AGBL1: variants seen among roughly 807,000 people sequenced by gnomAD.
AGBL1 encodes the protein cytosolic carboxypeptidase 4.
Under a neutral mutation model 118.9 loss-of-function variants are expected in AGBL1, and 130 were observed. That is an observed-to-expected ratio of 1.09 (90% CI 0.95 to 1.26). The LOEUF is 1.26. Among genes scored for constraint, AGBL1 ranks in the 50% most tolerant of loss-of-function variants. The probability of loss-of-function intolerance (pLI) is 0.00; values close to 1 mark genes in which losing one functional copy is unlikely to be tolerated. For missense variants in AGBL1, 1,584 were observed against 1,298.1 expected (o/e 1.22, Z -3.38); for synonymous variants, 555 against 478.9 (o/e 1.16, Z -2.08).
chr15:86,081,930 C>T (rs571226852), intron 1 of AGBL1, among the ~76,000 whole-genome samples: 6 of 152,190 alleles, frequency 3.9e-5, no homozygotes, highest in Non-Finnish European at 5.9e-5. Flanking sequence ...ATGATCACCC[C>T]GGGGCACTGC....
intron 18 of AGBL1, among the ~76,000 whole-genome samples, chr15:86,451,356 C>T (rs1234665150): frequency 6.6e-6 from 1 of 152,154 alleles, no homozygotes; most frequent in African/African-American, 2.4e-5. Flanking sequence ...AGGATAGAGA[C>T]CTTGTTCTTT....
chr15:86,143,791 GACTATGACATCCTC>G lies in AGBL1; in HGVS notation c.209_222del (p.Asp70AlafsTer15), dbSNP rs1273566022. 6.2e-7 allele frequency: 1 copy of G among 1,613,774 alleles called. No individual in the cohort carries two copies. Among genetic ancestry groups the G allele is most frequent in the Non-Finnish European group, 8.5e-7 (1 of 1,179,826 alleles). On this transcript the variant is annotated frameshift_variant, in exon 3 of 23. Transcript: ENST00000614907. LOFTEE classifies it high-confidence loss of function. ...AGACACAGCGAGGACAGCTCCTCCA[GACTATGACATCCTC>G]CTGCCTCTCTTCCGGCTGCTGGCCA... is the stretch of plus-strand genomic sequence containing the variant.
chr15:86,326,234 T>C (rs1174846776), intron 17 of AGBL1, among the ~76,000 whole-genome samples: 1 of 152,174 alleles, frequency 6.6e-6, no homozygotes, highest in Non-Finnish European at 1.5e-5. Context: ...AGACATAATG[T>C]ATACCCTTTC....
At chr15:86,222,557 C>T (rs556503947) in intron 5 of AGBL1, among the ~76,000 whole-genome samples, 1 of 152,228 alleles carries the variant, frequency 6.6e-6, no homozygotes, top group East Asian at 1.9e-4. Flanking sequence ...CTTCTCATTA[C>T]CTACAGAGTT....
rs117469681 is a variant in AGBL1 at position 86,550,121 on chromosome 15, A to C, written c.2817+3988A>C. Among the ~76,000 whole-genome samples, 276 of 152,292 alleles carry C rather than the reference A, an allele frequency of 1.8e-3. 7 individuals are homozygous for C. In the East Asian group the frequency reaches 0.049, roughly 27 times the overall value. On this transcript the variant is annotated intron_variant, in intron 20 of 22. Transcript: ENST00000614907. ...AGAGACCTATAGGATAGCATAAAGCATATCAACCAACATGTAATGGGAGGC... is the reference window on the plus strand; with the variant it reads ...AGAGACCTATAGGATAGCATAAAGCCTATCAACCAACATGTAATGGGAGGC...
chr15:86,263,941 ACTGC>A (rs1358528040), intron 10 of AGBL1, among the ~76,000 whole-genome samples: 1 of 152,202 alleles, frequency 6.6e-6, no homozygotes, highest in Non-Finnish European at 1.5e-5. Context: ...AGTGAAAGGC[ACTGC>A]CTTGGGGTGC....
intron 21 of AGBL1, among the ~76,000 whole-genome samples, chr15:86,600,116 T>C (rs2084470936): frequency 6.6e-6 from 1 of 152,156 alleles, no homozygotes; most frequent in Non-Finnish European, 1.5e-5. Flanking sequence ...GATCTGAGCA[T>C]GTATAGAATG....
rs927186504 is a variant in AGBL1, at chr15:86,620,299, C to T, written c.2995-53974C>T. On this transcript the variant is annotated intron_variant, in intron 21 of 22. Coordinates refer to ENST00000614907, the MANE Select transcript of AGBL1 (RefSeq NM_001386094.1). ...CTTACATGTTTACATTTATATAGCA[C>T]CTTTCCTCAAAGGAAATGACTTCAC... Among the ~76,000 whole-genome samples, 3 of 152,158 alleles carry T rather than the reference C, an allele frequency of 2.0e-5. No homozygotes were observed. In the South Asian group the frequency reaches 6.2e-4, roughly 32 times the overall value.
intron 3 of AGBL1, among the ~76,000 whole-genome samples, chr15:86,148,611 G>C (rs2077063556): frequency 6.6e-6 from 1 of 152,282 alleles, no homozygotes; most frequent in Admixed American, 6.5e-5. Flanking sequence ...AAGCCTCCAA[G>C]AAATATGGGA....
chr15:86,510,573 T>C (rs910490716), intron 18 of AGBL1, among the ~76,000 whole-genome samples: 3 of 152,108 alleles, frequency 2.0e-5, no homozygotes, highest in African/African-American at 7.2e-5. Flanking sequence ...CTATTGCAAG[T>C]TTATACAAAA....
At chr15:86,502,231 T>G (rs2082925642) in intron 18 of AGBL1, among the ~76,000 whole-genome samples, 1 of 151,572 alleles carries the variant, frequency 6.6e-6, no homozygotes. Flanking sequence ...TAAATTTTAT[T>G]TTTAGATTGT....
At chr15:86,554,598 ACAG>A in intron 21 of AGBL1, 61 bp downstream of exon 21, 2 of 1,372,678 alleles carry the variant, frequency 1.5e-6, no homozygotes, top group South Asian at 3.7e-5. Context: ...GAAATTATAG[ACAG>A]CTCGTACCTG....
chr15:86,280,086 CAAGTT>C (rs2079325848), intron 16 of AGBL1, among the ~76,000 whole-genome samples: 1 of 152,110 alleles, frequency 6.6e-6, no homozygotes, highest in African/African-American at 2.4e-5. Context: ...TTTAAAAAGT[CAAGTT>C]AAGTATGAAG....
chr15:86,964,752 A>G (rs1472589845), intron 23 of AGBL1, among the ~76,000 whole-genome samples: 1 of 151,770 alleles, frequency 6.6e-6, no homozygotes, highest in Non-Finnish European at 1.5e-5. Flanking sequence ...CCCATCATCT[A>G]GGTATTTCTC....
At chr15:86,734,664 T>C (rs1427482067) in intron 22 of AGBL1, among the ~76,000 whole-genome samples, 2 of 152,114 alleles carry the variant, frequency 1.3e-5, no homozygotes, top group Non-Finnish European at 2.9e-5. Context: ...TACTTCTCTA[T>C]TGCGACAAAG....
intron 17 of AGBL1, among the ~76,000 whole-genome samples, chr15:86,391,030 A>T (rs562209521): frequency 7.8e-4 from 118 of 152,072 alleles, no homozygotes; most frequent in African/African-American, 2.7e-3. Flanking sequence ...AAAAAAAAAA[A>T]AAGGCAAATC....
intron 17 of AGBL1, among the ~76,000 whole-genome samples, chr15:86,392,700 C>A (rs745948773): frequency 2.6e-5 from 4 of 152,030 alleles, no homozygotes; most frequent in Non-Finnish European, 5.9e-5. Flanking sequence ...TTATTCAATC[C>A]CCTACTTGTT....
chr15:86,772,240 C>A (rs2078192450), intron 22 of AGBL1, among the ~76,000 whole-genome samples: 1 of 151,976 alleles, frequency 6.6e-6, no homozygotes, highest in African/African-American at 2.4e-5. Flanking sequence ...AGACTTGGCC[C>A]ATCACTTGAT....
intron 3 of AGBL1, among the ~76,000 whole-genome samples, chr15:86,152,723 C>G (rs574452837): frequency 6.6e-6 from 1 of 152,136 alleles, no homozygotes; most frequent in Non-Finnish European, 1.5e-5. Context: ...TCAGAGTGAA[C>G]AGGCATCCTA....
Sources: allele counts gnomAD v4.1 joint callset (sites outside exome capture counted in the v4.1 genomes callset), GRCh38; gene constraint gnomAD v4.1.1; transcripts MANE v1.5; gene names NCBI Gene and HGNC (gene_info 2026-07-23, HGNC 2026-07-21).